Variants in KLRD1 observed in about 807,000 individuals in gnomAD.
KLRD1 encodes natural killer cells antigen CD94.
Under a neutral mutation model 22.6 loss-of-function variants are expected in KLRD1, and 21 were observed. The ratio of observed to expected loss-of-function variants is 0.93; its 90% confidence interval spans 0.66 to 1.34. The LOEUF (loss-of-function observed/expected upper bound fraction) is 1.34. Ranked by LOEUF, KLRD1 falls within the 40% of genes most tolerant of loss-of-function variation. The probability of loss-of-function intolerance (pLI) is 0.00; values close to 1 mark genes in which losing one functional copy is unlikely to be tolerated. For missense variants in KLRD1, 183 were observed against 208.6 expected (o/e 0.88, Z 0.76); for synonymous variants, 59 against 71.1 (o/e 0.83, Z 0.85).
upstream of KLRD1, among the ~76,000 whole-genome samples, chr12:10,302,937 T>G (rs1037302194): frequency 2.6e-5 from 4 of 152,178 alleles, no homozygotes; most frequent in Non-Finnish European, 5.9e-5. Context: ...TCGTGACCTT[T>G]TTATTAGTTT....
chr12:10,298,407 G>A (rs555890797), intron 1 of KLRD1, among the ~76,000 whole-genome samples: 86 of 152,264 alleles, frequency 5.6e-4, no homozygotes, highest in Non-Finnish European at 1.0e-3. Context: ...AAACACACAT[G>A]TGCTTTAAAA....
intron 1 of KLRD1, among the ~76,000 whole-genome samples, chr12:10,296,987 GTT>G (rs1255073034): frequency 1.3e-5 from 2 of 152,142 alleles, no homozygotes; most frequent in Admixed American, 1.3e-4. Flanking sequence ...TTTTTCTGCT[GTT>G]TTTTCAAGTT....
intron 1 of KLRD1, among the ~76,000 whole-genome samples, chr12:10,246,631 A>G (rs1949293674): frequency 1.3e-5 from 2 of 152,182 alleles, no homozygotes; most frequent in African/African-American, 4.8e-5. Context: ...TAAAATGCAT[A>G]TTCTATTTTA....
intron 1 of KLRD1, among the ~76,000 whole-genome samples, chr12:10,296,385 G>A (rs562571354): frequency 2.8e-4 from 42 of 152,044 alleles, no homozygotes; most frequent in South Asian, 2.3e-3. Context: ...GCGTGGTGGC[G>A]GACACCTGTA....
At chr12:10,290,837 A>G (rs567975678) in intron 1 of KLRD1, among the ~76,000 whole-genome samples, 2 of 152,292 alleles carry the variant, frequency 1.3e-5, no homozygotes, top group South Asian at 2.1e-4. Flanking sequence ...TGACATATAT[A>G]TATATACACA....
intron 4 of KLRD1, 63 bp downstream of exon 4, chr12:10,311,678 G>T: frequency 6.6e-7 from 1 of 1,518,876 alleles, no homozygotes; most frequent in Non-Finnish European, 9.0e-7. Flanking sequence ...ATCTAAACAA[G>T]TTAAATACTT....
intron 1 of KLRD1, among the ~76,000 whole-genome samples, chr12:10,266,614 A>G (rs1240025439): frequency 6.6e-6 from 1 of 151,560 alleles, no homozygotes; most frequent in Non-Finnish European, 1.5e-5. Context: ...TCTTAAAAAA[A>G]TTATTTTTTC....
chr12:10,293,175 T>TATATATATATATATATACAC (rs1555107048), intron 1 of KLRD1, among the ~76,000 whole-genome samples: 20 of 2,656 alleles, frequency 7.5e-3, no homozygotes, highest in African/African-American at 9.3e-3. Context: ...TATACACATA[T>TATATATATATATATATACAC]ACACATAATT....
intron 1 of KLRD1, among the ~76,000 whole-genome samples, chr12:10,292,581 T>A (rs1482609916): frequency 2.6e-5 from 4 of 152,178 alleles, no homozygotes; most frequent in African/African-American, 9.7e-5. Flanking sequence ...ACAATGGGCT[T>A]AAAATATGTA....
chr12:10,272,895 A>T lies in KLRD1; in HGVS notation c.-100-35083A>T, dbSNP rs182344157. Among the ~76,000 whole-genome samples the T allele has an allele frequency of 5.0e-3, 765 of 152,252 alleles. 4 individuals carry two copies. Among genetic ancestry groups the T allele is most frequent in the African/African-American group, 0.016 (645 of 41,562 alleles). Reference sequence around the variant, plus strand: ...TCTTTGCCTTAATTGCTATTTTTTTAAAATTAGAAAACAATAGACTAAATA... The same window carrying T: ...TCTTTGCCTTAATTGCTATTTTTTTTAAATTAGAAAACAATAGACTAAATA... On this transcript the variant is annotated intron_variant, in intron 1 of 5. Transcript: ENST00000544747.
At chr12:10,258,056 A>ATTT (rs1555101901) in intron 1 of KLRD1, among the ~76,000 whole-genome samples, 8 of 151,586 alleles carry the variant, frequency 5.3e-5, no homozygotes, top group Admixed American at 5.2e-4. Flanking sequence ...AATTTTCTTG[A>ATTT]CTTTACTTAA....
chr12:10,299,039 A>AT (rs1331126901), intron 1 of KLRD1, among the ~76,000 whole-genome samples: 1 of 152,060 alleles, frequency 6.6e-6, no homozygotes, highest in Non-Finnish European at 1.5e-5. Flanking sequence ...TGGTTCTCCT[A>AT]TTTTTATCAG....
Position 10,321,160 on chromosome 12 carries a change from T to G in KLRD1, c.*6367T>G, listed in dbSNP as rs948099112. Reference sequence around the variant, plus strand: ...ACATTTGCTATGCTAGATTTTAAATTATTATGCATCAGTGACTCCTTTGTA... The same window carrying G: ...ACATTTGCTATGCTAGATTTTAAATGATTATGCATCAGTGACTCCTTTGTA... On this transcript the variant is annotated 3_prime_UTR_variant, in exon 6 of 6. Coordinates refer to ENST00000336164, the MANE Select transcript of KLRD1 (RefSeq NM_002262.5). 1 of 139,892 alleles carries G rather than the reference T, an allele frequency of 7.1e-6. No individual in the cohort carries two copies. The highest frequency in any genetic ancestry group is 1.5e-5 in the Non-Finnish European group (1 of 67,992). 8.7% of individuals were successfully genotyped at this position (139,892 alleles called of 1,614,324 possible).
chr12:10,285,995 A>C (rs1305465508), intron 1 of KLRD1, among the ~76,000 whole-genome samples: 1 of 152,068 alleles, frequency 6.6e-6, no homozygotes, highest in Non-Finnish European at 1.5e-5. Flanking sequence ...TCAACTCCCA[A>C]TATTGTTTGC....
chr12:10,239,543 CTTTCTTTCTT>C (rs1409735825), intron 1 of KLRD1, among the ~76,000 whole-genome samples: 7 of 117,372 alleles, frequency 6.0e-5, no homozygotes, highest in Non-Finnish European at 1.1e-4. Flanking sequence ...TTCTTTCTTT[CTTTCTTTCTT>C]TCTTTCTTTC....
intron 1 of KLRD1, among the ~76,000 whole-genome samples, chr12:10,251,766 C>T (rs1221964876): frequency 6.6e-6 from 1 of 151,936 alleles, no homozygotes; most frequent in East Asian, 1.9e-4. Context: ...AGCACACAAC[C>T]TAGATCCCTC....
chr12:10,271,039 C>T (rs1246284906), intron 1 of KLRD1, among the ~76,000 whole-genome samples: 1 of 151,846 alleles, frequency 6.6e-6, no homozygotes. Context: ...CTGCCTTGGT[C>T]TCCCAAAGAA....
At chr12:10,301,056 T>C (rs73053396), upstream of KLRD1, among the ~76,000 whole-genome samples, 4,678 of 152,286 alleles carry the variant, frequency 0.031, 165 homozygotes, top group East Asian at 0.15. Flanking sequence ...CAACTACAAC[T>C]TTCTCCATAT....
chr12:10,253,908 AT>A (rs1381689229), intron 1 of KLRD1, among the ~76,000 whole-genome samples: 2 of 152,044 alleles, frequency 1.3e-5, no homozygotes, highest in Non-Finnish European at 2.9e-5. Flanking sequence ...TGGTAGAAGG[AT>A]TTATATTCTT....
Sources: gnomAD v4.1 joint callset for allele counts (sites outside exome capture counted in the v4.1 genomes callset) on GRCh38, gnomAD v4.1.1 for gene constraint, MANE v1.5 for transcripts, NCBI Gene and HGNC (gene_info 2026-07-23, HGNC 2026-07-21) for gene names.